Variants in C5AR2 observed in about 807,000 individuals in gnomAD.
C5AR2 encodes the protein complement C5a receptor 2.
For missense variants in C5AR2, 458 were observed against 467.5 expected (o/e 0.98, Z 0.19); for synonymous variants, 224 against 216.5 (o/e 1.03, Z -0.30).
rs763261414 is a variant in C5AR2 at position 47,341,348 on chromosome 19, G to GC, written c.550dup (p.Leu184ProfsTer90). On this transcript the variant is annotated frameshift_variant, in exon 2 of 2. Transcript: ENST00000595464. LOFTEE classifies it low-confidence loss of function (END_TRUNC). This position sits in a 1 kb window ranked among gnomAD's most constrained non-coding sequence, Gnocchi z 4.6. ...TGCACCAGGAGCACTTCCCAGCCCGGCTGCAGTGTGTGGTGGACTACGGCG... is the reference window on the plus strand; with the variant it reads ...TGCACCAGGAGCACTTCCCAGCCCGGCCTGCAGTGTGTGGTGGACTACGGCG... 1.2e-6 allele frequency: 2 copies of GC among 1,612,092 alleles called. No individual in the cohort carries two copies. The highest frequency in any genetic ancestry group is 1.1e-5 in the South Asian group (1 of 91,086).
Position 47,341,166 on chromosome 19 carries a change from C to T in C5AR2, c.367C>T (p.Leu123=), listed in dbSNP as rs1388075505. The stretch of plus-strand genomic sequence containing the variant: ...CCTGCTGACCATGTATGCCAGCGTC[C>T]TGCTCCTGGCAGCTCTCAGTGCCGA... ...IILLTMYASV[L]LLAALSADLC... The change falls in exon 2 of 2, where the codon CTG becomes TTG. Residue 123 remains leucine (L), a synonymous_variant. Coordinates refer to ENST00000595464, the MANE Select transcript of C5AR2 (RefSeq NM_001271749.2). This position sits in a 1 kb window ranked among gnomAD's most constrained non-coding sequence, Gnocchi z 4.6. The T allele has an allele frequency of 3.1e-6, 5 of 1,601,132 alleles. No homozygotes were observed. The highest frequency in any genetic ancestry group is 3.4e-6 in the Non-Finnish European group (4 of 1,179,894).
In C5AR2 at chr19:47,341,930, A is replaced by C. The variant is rs571331452; in HGVS notation, c.*117A>C. 6.8e-5 allele frequency: 69 copies of C among 1,020,364 alleles called. No homozygotes were observed. The highest frequency in any genetic ancestry group is 9.4e-5 in the Non-Finnish European group (65 of 690,156). The allele number at this position is 1,020,364 out of a possible 1,614,324, so 63.2% of individuals were successfully genotyped here. A position where few individuals can be genotyped will look rare whatever the true frequency, so the allele number is the denominator to read the frequency against. On this transcript the variant is annotated 3_prime_UTR_variant, in exon 2 of 2. Coordinates refer to ENST00000595464, the MANE Select transcript of C5AR2 (RefSeq NM_001271749.2). This position sits in a 1 kb window ranked among gnomAD's most constrained non-coding sequence, Gnocchi z 4.6. ...CATTTTATTCCTTCCTTCATTCAAC[A>C]GATATCCATCATGCACTTGCTATGT...
chr19:47,340,656 C>A (rs184334766), intron 1 of C5AR2, 129 bp from the exon 2 acceptor site: 22 of 811,586 alleles, frequency 2.7e-5, no homozygotes, highest in Non-Finnish European at 4.3e-5. Flanking sequence ...TATTCTAAAG[C>A]ACTGGAGTCC....
rs1687842820 is a variant in C5AR2, at chr19:47,341,095, A to G, written c.296A>G (p.His99Arg). Residue 99 changes from histidine to arginine, a missense_variant, in exon 2 of 2, where the codon CAC (histidine) becomes CGC (arginine). By Grantham distance (29) the His-to-Arg change is conservative. Transcript: ENST00000595464. This position sits in a 1 kb window ranked among gnomAD's most constrained non-coding sequence, Gnocchi z 4.6. ...ILAVPIARGG[H>R]WPYGAVGCRA... Reference sequence around the variant, plus strand: ...GCAGTGCCCATTGCCCGTGGAGGCCACTGGCCGTATGGTGCAGTGGGCTGT... The same window carrying G: ...GCAGTGCCCATTGCCCGTGGAGGCCGCTGGCCGTATGGTGCAGTGGGCTGT... The G allele has an allele frequency of 6.2e-7, 1 of 1,604,662 alleles. No individual in the cohort carries two copies. Among genetic ancestry groups the G allele is most frequent in the African/African-American group, 1.3e-5 (1 of 75,054 alleles).
chr19:47,338,224 G>A (rs1003736847), intron 1 of C5AR2, among the ~76,000 whole-genome samples: 5 of 150,616 alleles, frequency 3.3e-5, no homozygotes, highest in Non-Finnish European at 3.0e-5. Context: ...GCAGTGAGCC[G>A]TGATTGCACC....
chr19:47,334,501 C>T (rs976469584), intron 1 of C5AR2, among the ~76,000 whole-genome samples: 2 of 148,306 alleles, frequency 1.3e-5, no homozygotes, highest in Non-Finnish European at 3.0e-5. Flanking sequence ...GGCATGATGG[C>T]GTGCACCCGT....
In C5AR2 at chr19:47,341,861, AC is replaced by A. The variant is rs753274286; in HGVS notation, c.*49del. On this transcript the variant is annotated 3_prime_UTR_variant, in exon 2 of 2. Coordinates refer to ENST00000595464, the MANE Select transcript of C5AR2 (RefSeq NM_001271749.2). The surrounding 1 kb of genome is among the most constrained non-coding windows in gnomAD (Gnocchi z 4.6). ...GTATCTTCTTATCTCATTTCACAAG[AC>A]TGGCTTCAGGCATAGCTGGATCCAG... The A allele has an allele frequency of 6.4e-7, 1 of 1,559,498 alleles. No homozygotes were observed. Among genetic ancestry groups the A allele is most frequent in the Non-Finnish European group, 8.8e-7 (1 of 1,137,172 alleles).
rs1969119998 is a variant in C5AR2, at chr19:47,346,422, G to A, written c.*4609G>A. ...TAGGTATAGGCTAAAAATAGGTATA[G>A]GCTGGGCGTGGTGGCTCATGTCTGT... On this transcript the variant is annotated 3_prime_UTR_variant, in exon 2 of 2. Transcript: ENST00000595464. 6.6e-6 allele frequency: 1 copy of A among 152,124 alleles called. No individual in the cohort carries two copies. Among genetic ancestry groups the A allele is most frequent in the Non-Finnish European group, 1.5e-5 (1 of 68,044 alleles). 9.4% of individuals were successfully genotyped at this position (152,124 alleles called of 1,614,324 possible). A position where few individuals can be genotyped will look rare whatever the true frequency, so the allele number is the denominator to read the frequency against.
At chr19:47,340,669 A>G in intron 1 of C5AR2, 116 bp from the exon 2 acceptor site, 2 of 907,398 alleles carry the variant, frequency 2.2e-6, no homozygotes, top group Non-Finnish European at 3.5e-6. Context: ...TGGAGTCCTT[A>G]TGACGCAATA....
Position 47,344,219 on chromosome 19 carries a change from T to G in C5AR2, c.*2406T>G, listed in dbSNP as rs1969085976. The G allele has an allele frequency of 6.6e-6, 1 of 152,196 alleles. No homozygotes were observed. 9.4% of individuals were successfully genotyped at this position (152,196 alleles called of 1,614,324 possible). A position where few individuals can be genotyped will look rare whatever the true frequency, so the allele number is the denominator to read the frequency against. ...AAAATTAGCCTGGTTTGGTGGCACA[T>G]GCCTGTAGTGCCAGCTACTAGGGAG... On this transcript the variant is annotated 3_prime_UTR_variant, in exon 2 of 2. Transcript: ENST00000595464.
intron 1 of C5AR2, among the ~76,000 whole-genome samples, chr19:47,337,810 C>T (rs145353173): frequency 3.3e-5 from 5 of 152,242 alleles, no homozygotes; most frequent in African/African-American, 1.2e-4. Flanking sequence ...GTGGCTCATG[C>T]CTGTAATCCT....
chr19:47,335,033 C>T (rs1000498952), intron 1 of C5AR2, among the ~76,000 whole-genome samples: 1 of 142,706 alleles, frequency 7.0e-6, no homozygotes, highest in Non-Finnish European at 1.5e-5. Context: ...TACAGGCACT[C>T]GCCCCCACGC....
chr19:47,342,334 C>T lies in C5AR2; in HGVS notation c.*521C>T, dbSNP rs12981803. The T allele has an allele frequency of 0.76, 114,908 of 150,472 alleles. 43,942 individuals are homozygous for T. Among genetic ancestry groups the T allele is most frequent in the Admixed American group, 0.77 (11,589 of 15,132 alleles). The allele number at this position is 150,472 out of a possible 1,614,324, so 9.3% of individuals were successfully genotyped here. A position where few individuals can be genotyped will look rare whatever the true frequency, so the allele number is the denominator to read the frequency against. On this transcript the variant is annotated 3_prime_UTR_variant, in exon 2 of 2. Coordinates refer to ENST00000595464, the MANE Select transcript of C5AR2 (RefSeq NM_001271749.2). ...TTGAGCCCCTGCACTCCAGCCTGGGCGACAGAGCGAGACTCCGTCTCAAAA... is the reference window on the plus strand; with the variant it reads ...TTGAGCCCCTGCACTCCAGCCTGGGTGACAGAGCGAGACTCCGTCTCAAAA...
At position 47,340,796 on chromosome 19, in the gene C5AR2, C is replaced by A. The variant is rs1969000545; in HGVS notation, c.-4C>A. 6.2e-7 allele frequency: 1 copy of A among 1,613,242 alleles called. No individual in the cohort carries two copies. Among genetic ancestry groups the A allele is most frequent in the South Asian group, 1.1e-5 (1 of 91,080 alleles). On this transcript the variant is annotated 5_prime_UTR_variant, in exon 2 of 2. It adds an upstream start codon to the 5' untranslated region. Transcript: ENST00000595464. Reference sequence around the variant, plus strand: ...TCTCTCCTGCCCAGACACCAGGAGCCTGAATGGGGAACGATTCTGTCAGCT... The same window carrying A: ...TCTCTCCTGCCCAGACACCAGGAGCATGAATGGGGAACGATTCTGTCAGCT...
intron 1 of C5AR2, among the ~76,000 whole-genome samples, chr19:47,333,140 G>A (rs530235494): frequency 1.3e-5 from 2 of 151,948 alleles, no homozygotes; most frequent in African/African-American, 4.8e-5. Context: ...GAGTAGCTGG[G>A]ATTACAGGTG....
rs1969076256 is a variant in C5AR2, at chr19:47,343,556, A to C, written c.*1743A>C. ...CCTGGTGGCTCCTGCCTATAATCTC[A>C]GCACTTTGGGAGGCCGAGGTGGGAG... On this transcript the variant is annotated 3_prime_UTR_variant, in exon 2 of 2. Transcript: ENST00000595464. 6.6e-6 allele frequency: 1 copy of C among 152,200 alleles called. No individual in the cohort carries two copies. Among genetic ancestry groups the C allele is most frequent in the African/African-American group, 2.4e-5 (1 of 41,434 alleles). The allele number at this position is 152,200 out of a possible 1,614,324, so 9.4% of individuals were successfully genotyped here.
chr19:47,336,433 TTTCCTTCCTTCC>T (rs1241762416), intron 1 of C5AR2, among the ~76,000 whole-genome samples: 55 of 129,002 alleles, frequency 4.3e-4, no homozygotes, highest in Non-Finnish European at 7.7e-4. Flanking sequence ...TCTTTCTTTC[TTTCCTTCCTTCC>T]TTCCTTCCTT....
In C5AR2 at chr19:47,341,027, G is replaced by T; in HGVS notation, c.228G>T (p.Leu76=). 6.2e-7 allele frequency: 1 copy of T among 1,608,082 alleles called. No individual in the cohort carries two copies. The highest frequency in any genetic ancestry group is 1.1e-5 in the South Asian group (1 of 91,072). ...TGGGTGCCACCTGGTTGCTCCACCTGGCCGTGGCGGATTTGCTGTGCTGTT... is the reference window on the plus strand; with the variant it reads ...TGGGTGCCACCTGGTTGCTCCACCTTGCCGTGGCGGATTTGCTGTGCTGTT... The part of the protein sequence containing the change: ...RRVGATWLLH[L]AVADLLCCLS... The change falls in exon 2 of 2, where the codon CTG becomes CTT. Residue 76 remains leucine, a synonymous_variant. Transcript: ENST00000595464. This position sits in a 1 kb window ranked among gnomAD's most constrained non-coding sequence, Gnocchi z 4.6.
intron 1 of C5AR2, among the ~76,000 whole-genome samples, chr19:47,340,081 G>A (rs1026418750): frequency 2.0e-5 from 3 of 151,052 alleles, no homozygotes; most frequent in East Asian, 2.0e-4. Context: ...CAGCCTTTTC[G>A]GCAGCTAGGA....
Sources: allele counts gnomAD v4.1 joint callset (sites outside exome capture counted in the v4.1 genomes callset), GRCh38; gene constraint gnomAD v4.1.1; non-coding constraint Gnocchi (gnomAD v3.1); transcripts MANE v1.5; gene names NCBI Gene and HGNC (gene_info 2026-07-23, HGNC 2026-07-21).